RAPGEF5: variants seen among roughly 807,000 people sequenced by gnomAD.
The protein encoded by RAPGEF5 is M-Ras-regulated GEF.
In RAPGEF5, 65 loss-of-function variants were observed where a neutral mutation model predicts 125.2. The ratio of observed to expected loss-of-function variants is 0.52; its 90% CI spans 0.43 to 0.64. RAPGEF5 has a LOEUF of 0.64. Among genes scored for constraint, RAPGEF5 ranks in the 30% least tolerant of loss-of-function variants. RAPGEF5 has a pLI of 0.00. For synonymous variants in RAPGEF5, 391 were observed against 385.9 expected (o/e 1.01, Z -0.16); for missense variants, 958 against 1,048.1 (o/e 0.91, Z 1.19).
At chr7:22,298,242 A>G (rs1783112681) in intron 5 of RAPGEF5, among the ~76,000 whole-genome samples, 1 of 147,728 alleles carries the variant, frequency 6.8e-6, no homozygotes, top group Non-Finnish European at 1.5e-5. Context: ...CAATGGCGTG[A>G]TCTTGGCTCA....
At chr7:22,319,528 G>C (rs1253552333) in intron 1 of RAPGEF5, among the ~76,000 whole-genome samples, 1 of 152,168 alleles carries the variant, frequency 6.6e-6, no homozygotes, top group Non-Finnish European at 1.5e-5. Flanking sequence ...ATAAGGTAGA[G>C]AGCCCATTTT....
At chr7:22,280,727 T>C (rs1430888947) in intron 6 of RAPGEF5, among the ~76,000 whole-genome samples, 1 of 152,244 alleles carries the variant, frequency 6.6e-6, no homozygotes, top group Non-Finnish European at 1.5e-5. Flanking sequence ...ACAAAAGCCA[T>C]TTATTTCTTT....
At chr7:22,247,978 G>A (rs1786522650) in intron 7 of RAPGEF5, among the ~76,000 whole-genome samples, 1 of 152,134 alleles carries the variant, frequency 6.6e-6, no homozygotes, top group Non-Finnish European at 1.5e-5. Flanking sequence ...TACTGGATGA[G>A]GGAAAGAGGG....
At chr7:22,278,181 T>G (rs1229262495) in intron 6 of RAPGEF5, among the ~76,000 whole-genome samples, 3 of 152,172 alleles carry the variant, frequency 2.0e-5, no homozygotes, top group Admixed American at 6.5e-5. Context: ...CAAATTCATC[T>G]CAAATTAACT....
chr7:22,291,141 T>G, intron 6 of RAPGEF5, 34 bp downstream of exon 6: 1 of 1,542,276 alleles, frequency 6.5e-7, no homozygotes, highest in Non-Finnish European at 8.7e-7. Flanking sequence ...TCATTATTTC[T>G]GCACCCCTAG....
intron 4 of RAPGEF5, 143 bp from the exon 5 acceptor site, chr7:22,308,650 T>C (rs1783400323): frequency 1.5e-6 from 1 of 668,442 alleles, no homozygotes; most frequent in African/African-American, 1.9e-5. Context: ...CTCATTCATG[T>C]TTATAATCCC....
At chr7:22,192,126 A>G (rs997013608) in intron 11 of RAPGEF5, 1 of 154,530 alleles carries the variant, frequency 6.5e-6, no homozygotes, top group African/African-American at 2.4e-5. Context: ...TCAAATGCAC[A>G]AAATATTAAT....
chr7:22,350,712 T>A (rs1487732955), intron 1 of RAPGEF5, among the ~76,000 whole-genome samples: 1 of 152,172 alleles, frequency 6.6e-6, no homozygotes, highest in African/African-American at 2.4e-5. Flanking sequence ...AAGAAATAAG[T>A]AAATAAAATA....
intron 19 of RAPGEF5, among the ~76,000 whole-genome samples, chr7:22,145,652 A>C (rs1376675545): frequency 6.6e-6 from 1 of 152,178 alleles, no homozygotes; most frequent in Non-Finnish European, 1.5e-5. Flanking sequence ...TTTAGTGTGA[A>C]TCAGGATCAC....
chr7:22,242,188 T>G lies in RAPGEF5; in HGVS notation c.797-11269A>C, dbSNP rs559403342. Among the ~76,000 whole-genome samples the G allele has an allele frequency of 7.9e-5, 12 of 152,302 alleles. No homozygotes were observed. The East Asian group carries it at 2.3e-3, about 29-fold the overall frequency. On this transcript the variant is annotated intron_variant, in intron 7 of 25. Coordinates refer to ENST00000665637, the MANE Select transcript of RAPGEF5 (RefSeq NM_012294.5). ...GTAAACTGTGGGCAGGGGTGCTGGT[T>G]TGCACACAGATCAGTCTTGGCACAC...
At position 22,219,926 on chromosome 7, in the gene RAPGEF5, C is replaced by G. The variant is rs758333800; in HGVS notation, c.936G>C (p.Leu312=). ...EIGRIELVQK[L]AKENYQFLQT... ...GCAAAAACTGATAGTTTTCTTTTGC[C>G]AGCTTCTGGACTAGTTCAATTCGTC... is the stretch of plus-strand genomic sequence containing the variant. Residue 312 remains leucine (L), a synonymous_variant, in exon 9 of 26, where the codon CTG becomes CTC. Transcript: ENST00000665637. The G allele has an allele frequency of 1.2e-6, 2 of 1,613,198 alleles. No homozygotes were observed. Among genetic ancestry groups the G allele is most frequent in the African/African-American group, 2.7e-5 (2 of 74,886 alleles).
At chr7:22,123,904 G>C (rs753370782) in intron 25 of RAPGEF5, among the ~76,000 whole-genome samples, 1 of 152,220 alleles carries the variant, frequency 6.6e-6, no homozygotes, top group African/African-American at 2.4e-5. Context: ...ACTTTATAAT[G>C]CATAAGTGAC....
chr7:22,272,061 G>T (rs192364568), intron 6 of RAPGEF5, among the ~76,000 whole-genome samples: 5 of 152,012 alleles, frequency 3.3e-5, no homozygotes, highest in African/African-American at 1.2e-4. Flanking sequence ...AAGGAAAGTT[G>T]GGCCGGGCGC....
intron 23 of RAPGEF5, among the ~76,000 whole-genome samples, 192 bp from the exon 24 acceptor site, chr7:22,131,293 G>A (rs948094663): frequency 1.3e-5 from 2 of 152,100 alleles, no homozygotes; most frequent in African/African-American, 2.4e-5. Context: ...ATGTGTGTGT[G>A]TATATGTGTG....
intron 1 of RAPGEF5, among the ~76,000 whole-genome samples, chr7:22,351,575 C>T (rs547192065): frequency 4.6e-5 from 7 of 152,030 alleles, no homozygotes; most frequent in African/African-American, 1.7e-4. Flanking sequence ...GTTTCTTCAT[C>T]TGTGGAATGC....
intron 7 of RAPGEF5, among the ~76,000 whole-genome samples, chr7:22,255,732 T>A (rs1786743113): frequency 6.6e-6 from 1 of 152,110 alleles, no homozygotes; most frequent in African/African-American, 2.4e-5. Flanking sequence ...TGGTTTATCC[T>A]AGAAAGAGAG....
intron 6 of RAPGEF5, among the ~76,000 whole-genome samples, chr7:22,285,180 G>A (rs986968218): frequency 1.3e-5 from 2 of 152,104 alleles, no homozygotes; most frequent in Non-Finnish European, 2.9e-5. Context: ...TCTCGAGAGG[G>A]TATCCTACCA....
chr7:22,329,843 T>C (rs1783880844), intron 1 of RAPGEF5, among the ~76,000 whole-genome samples: 1 of 152,124 alleles, frequency 6.6e-6, no homozygotes, highest in African/African-American at 2.4e-5. Context: ...GTACAAGATA[T>C]TTTTATTCAG....
chr7:22,136,717 G>C (rs1783089367), intron 22 of RAPGEF5, among the ~76,000 whole-genome samples: 1 of 152,040 alleles, frequency 6.6e-6, no homozygotes, highest in African/African-American at 2.4e-5. Flanking sequence ...CACACTAAAA[G>C]GATTATTTTC....
Sources: gnomAD v4.1 joint callset for allele counts (sites outside exome capture counted in the v4.1 genomes callset) on GRCh38, gnomAD v4.1.1 for gene constraint, MANE v1.5 for transcripts, NCBI Gene and HGNC (gene_info 2026-07-23, HGNC 2026-07-21) for gene names.